The following GCFC2 variants were observed in gnomAD, a reference collection of about 807,000 sequenced individuals.
GCFC2 encodes the protein intron Large complex component GCFC2.
A neutral mutation model predicts 99.4 loss-of-function variants in GCFC2; 102 were observed. The ratio of observed to expected loss-of-function variants is 1.03; its 90% CI spans 0.87 to 1.21. The LOEUF is 1.21. GCFC2 is among the 50% of genes most tolerant of loss of function. GCFC2 has a pLI of 0.00. For missense variants in GCFC2, 973 were observed against 920.9 expected, an observed-to-expected ratio of 1.06 and a Z score of -0.73; for synonymous variants, 338 against 316.8, an observed-to-expected ratio of 1.07 and a Z score of -0.71.
At chr2:75,684,693 T>C (rs1679735371) in intron 11 of GCFC2, among the ~76,000 whole-genome samples, 1 of 152,186 alleles carries the variant, frequency 6.6e-6, no homozygotes, top group Non-Finnish European at 1.5e-5. Flanking sequence ...AACCCAGCCA[T>C]GCTATTACTG....
chr2:75,679,596 G>A (rs538056770), intron 12 of GCFC2, among the ~76,000 whole-genome samples: 1 of 152,242 alleles, frequency 6.6e-6, no homozygotes, highest in Admixed American at 6.5e-5. Flanking sequence ...ACTATTATTT[G>A]GTAGACTACA....
At chr2:75,690,871 AT>A in intron 7 of GCFC2, 152 bp from the exon 8 acceptor site, 1 of 542,070 alleles carries the variant, frequency 1.8e-6, no homozygotes, top group East Asian at 3.2e-5. Flanking sequence ...ATGCAATGAC[AT>A]TTCAATGTTA....
At chr2:75,707,478 C>G (rs372018350) in intron 1 of GCFC2, among the ~76,000 whole-genome samples, 3 of 152,118 alleles carry the variant, frequency 2.0e-5, no homozygotes, top group African/African-American at 7.2e-5. Flanking sequence ...TTACATACTA[C>G]TCATTAATTT....
In GCFC2 at chr2:75,664,774, G is replaced by A. The variant is rs373336103; in HGVS notation, c.2238C>T (p.Val746=). The A allele has an allele frequency of 1.3e-5, 19 of 1,489,720 alleles. No individual in the cohort carries two copies. Among genetic ancestry groups the A allele is most frequent in the East Asian group, 9.1e-5 (4 of 44,186 alleles). The allele number at this position is 1,489,720 out of a possible 1,614,324, so 92.3% of individuals were successfully genotyped here. A position where few individuals can be genotyped will look rare whatever the true frequency, so the allele number is the denominator to read the frequency against. ...KLSRSEFRDE[V]EEIILILVKI... is the part of the protein sequence containing the mutation. Reference sequence around the variant, plus strand: ...TCACCAAAATAAGAATTATTTCTTCGACTTCATCCCTGAAAAACAAAACAA... The same window carrying A: ...TCACCAAAATAAGAATTATTTCTTCAACTTCATCCCTGAAAAACAAAACAA... The change falls in exon 17 of 17, where the codon GTC becomes GTT. Residue 746 remains valine, a synonymous_variant. Coordinates refer to ENST00000321027, the MANE Select transcript of GCFC2 (RefSeq NM_003203.5).
In GCFC2 at chr2:75,694,362, A is replaced by G; in HGVS notation, c.899T>C (p.Val300Ala). 6.5e-7 allele frequency: 1 copy of G among 1,531,214 alleles called. No homozygotes were observed. The allele number at this position is 1,531,214 out of a possible 1,614,324, so 94.9% of individuals were successfully genotyped here. ...CTGGATGGTACTCTTTGAGCTTTTG[A>G]CATCTTGTACGTATTTTTCATACTC... Reference protein sequence around the residue: ...LREYEKYVQDVKSSKSTIQNL... With the variant: ...LREYEKYVQDAKSSKSTIQNL... The change falls in exon 6 of 17, where the codon GTC becomes GCC. Residue 300 changes from valine to alanine, a missense_variant. Val to Ala is a moderately conservative substitution (Grantham distance 64). Transcript: ENST00000321027.
In GCFC2 at chr2:75,689,092, A is replaced by C; in HGVS notation, c.1473T>G (p.Ser491Arg). 1 of 1,599,012 alleles carries C rather than the reference A, an allele frequency of 6.3e-7. No homozygotes were observed. Among genetic ancestry groups the C allele is most frequent in the Non-Finnish European group, 8.6e-7 (1 of 1,167,812 alleles). The change falls in exon 10 of 17, where the codon AGT becomes AGG. Residue 491 changes from serine (S) to arginine (R), a missense_variant. By Grantham distance (110) the Ser-to-Arg change is moderately radical. Transcript: ENST00000321027. ...GATTTAAAAGCTTTGGTATGCATAA[A>C]CTAATGAAAGCTTCATAATAGGAGT... ...FPDSYYEAFI[S>R]LCIPKLLNPL... is the part of the protein sequence containing the mutation.
intron 12 of GCFC2, among the ~76,000 whole-genome samples, 168 bp from the exon 13 acceptor site, chr2:75,673,688 A>G (rs1311656977): frequency 6.6e-6 from 1 of 152,240 alleles, no homozygotes; most frequent in Non-Finnish European, 1.5e-5. Flanking sequence ...GTTGCTACAT[A>G]TGGGTATAGT....
chr2:75,696,059 A>C, intron 5 of GCFC2, 141 bp downstream of exon 5: 1 of 465,802 alleles, frequency 2.1e-6, no homozygotes, highest in East Asian at 3.3e-5. Flanking sequence ...AAATTGTGTT[A>C]GTATGATAAC....
intron 12 of GCFC2, 105 bp from the exon 13 acceptor site, chr2:75,673,625 C>G: frequency 1.6e-6 from 1 of 638,742 alleles, no homozygotes; most frequent in Admixed American, 2.9e-5. Flanking sequence ...ACTCACATAA[C>G]CAGCTGTTAA....
At chr2:75,677,464 C>T (rs1404169154) in intron 12 of GCFC2, among the ~76,000 whole-genome samples, 4 of 152,296 alleles carry the variant, frequency 2.6e-5, no homozygotes, top group East Asian at 1.9e-4. Flanking sequence ...AATGTGTAGA[C>T]ATTTTTGGTT....
rs41286003 is a variant in GCFC2, at chr2:75,687,859, A to T, written c.1658T>A (p.Ile553Asn). The T allele has an allele frequency of 8.8e-3, 14,151 of 1,605,464 alleles. 115 individuals carry two copies. The highest frequency in any genetic ancestry group is 0.022 in the Middle Eastern group (131 of 6,048). ...SSSDKKVLSAIINKTIIPRLT... is the reference protein window; with the variant it reads ...SSSDKKVLSANINKTIIPRLT... ...TCGGGGAATAATTGTTTTGTTGATG[A>T]TTGCAGACAAGACTTTTTTATCTGA... The change falls in exon 11 of 17, where the codon ATC becomes AAC. Residue 553 changes from isoleucine (I) to asparagine (N), a missense_variant. Physicochemically the swap from Ile to Asn is moderately radical, Grantham distance 149 (BLOSUM62 -3). Coordinates refer to ENST00000321027, the MANE Select transcript of GCFC2 (RefSeq NM_003203.5).
Position 75,670,240 on chromosome 2 carries a change from G to T in GCFC2, c.2001C>A (p.Asp667Glu). Reference protein sequence around the residue: ...ILLWNGLLTDDTLQELGLGKL... With the variant: ...ILLWNGLLTDETLQELGLGKL... ...TCCCTAGTCCTAGTTCTTGCAAGGT[G>T]TCATCTGTAAGGAGTCCATTCCAAA... The change falls in exon 15 of 17, where the codon GAC (aspartate) becomes GAA (glutamate). Residue 667 changes from aspartate (D) to glutamate (E), a missense_variant. Transcript: ENST00000321027. 6.2e-7 allele frequency: 1 copy of T among 1,606,240 alleles called. No individual in the cohort carries two copies. Among genetic ancestry groups the T allele is most frequent in the Non-Finnish European group, 8.5e-7 (1 of 1,172,958 alleles).
intron 11 of GCFC2, among the ~76,000 whole-genome samples, chr2:75,683,474 C>T (rs1307474715): frequency 6.6e-6 from 1 of 152,010 alleles, no homozygotes; most frequent in Non-Finnish European, 1.5e-5. Flanking sequence ...CAACTGGTAC[C>T]AGACGCTGCA....
intron 1 of GCFC2, 26 bp from the exon 2 acceptor site, chr2:75,706,677 CA>C: frequency 1.3e-6 from 2 of 1,482,460 alleles, no homozygotes; most frequent in Non-Finnish European, 1.9e-6. Context: ...AAAAATACAA[CA>C]AAAAAGAGTC....
chr2:75,694,501 A>C, intron 5 of GCFC2, 74 bp from the exon 6 acceptor site: 1 of 536,306 alleles, frequency 1.9e-6, no homozygotes, highest in East Asian at 3.5e-5. Context: ...AAATATTTTC[A>C]AAGACCACCA....
intron 11 of GCFC2, among the ~76,000 whole-genome samples, chr2:75,686,467 G>A (rs937683461): frequency 6.6e-6 from 1 of 152,126 alleles, no homozygotes; most frequent in Non-Finnish European, 1.5e-5. Context: ...TCTAGGCTGG[G>A]CATGGTGACT....
chr2:75,689,773 C>T (rs1304044336), intron 9 of GCFC2, among the ~76,000 whole-genome samples, 196 bp downstream of exon 9: 1 of 152,098 alleles, frequency 6.6e-6, no homozygotes, highest in East Asian at 1.9e-4. Flanking sequence ...TGTAAGAATA[C>T]TCACAATGTT....
rs762015066 is a variant in GCFC2, at chr2:75,690,056, G to A, written c.1252C>T (p.Leu418Phe). The change falls in exon 9 of 17, where the codon CTT becomes TTT. Residue 418 changes from leucine to phenylalanine, a missense_variant. By Grantham distance (22) the Leu-to-Phe change is conservative. Transcript: ENST00000321027. ...TCCTGATGGTTACAATTCCCAGAAAGCACCCTTGCTTGTCTTCTTTTTGTC... is the reference window on the plus strand; with the variant it reads ...TCCTGATGGTTACAATTCCCAGAAAACACCCTTGCTTGTCTTCTTTTTGTC... ...RRTKRRQARV[L>F]SGNCNHQEGT... 2.5e-6 allele frequency: 4 copies of A among 1,605,198 alleles called. No individual in the cohort carries two copies. The South Asian group carries it at 3.3e-5, about 13-fold the overall frequency.
chr2:75,701,183 T>C lies in GCFC2; in HGVS notation c.717+7A>G, dbSNP rs1037168629. The C allele has an allele frequency of 2.1e-6, 3 of 1,460,506 alleles. No individual in the cohort carries two copies. The highest frequency in any genetic ancestry group is 1.7e-5 in the Admixed American group (1 of 59,422). The allele number at this position is 1,460,506 out of a possible 1,614,324, so 90.5% of individuals were successfully genotyped here. A position where few individuals can be genotyped will look rare whatever the true frequency, so the allele number is the denominator to read the frequency against. ...AATCTAATACACATGGGATAAAAAATGATTACCTCTATGATTTTAACTGCT... is the reference window on the plus strand; with the variant it reads ...AATCTAATACACATGGGATAAAAAACGATTACCTCTATGATTTTAACTGCT... On this transcript the variant is annotated splice_region_variant and intron_variant, in intron 4 of 16. Coordinates refer to ENST00000321027, the MANE Select transcript of GCFC2 (RefSeq NM_003203.5).
Sources: gnomAD v4.1 joint callset for allele counts (sites outside exome capture counted in the v4.1 genomes callset) on GRCh38, gnomAD v4.1.1 for gene constraint, MANE v1.5 for transcripts, NCBI Gene and HGNC (gene_info 2026-07-23, HGNC 2026-07-21) for gene names.